EP300: variants seen among roughly 807,000 people sequenced by gnomAD.
The protein encoded by EP300 is histone acetyltransferase p300.
A neutral mutation model predicts 264.0 loss-of-function variants in EP300; 31 were observed. The observed-to-expected ratio is 0.12, with a 90% CI of 0.09 to 0.16. The LOEUF is 0.16. Ranked by LOEUF, EP300 falls within the 10% of genes least tolerant of loss-of-function variation. The pLI, the probability that EP300 is intolerant of heterozygous loss-of-function variation, is 1.00. For missense variants in EP300, 2,766 were observed against 3,052.9 expected, an observed-to-expected ratio of 0.91 and a Z score of 2.21; for synonymous variants, 1,340 against 1,045.4, an observed-to-expected ratio of 1.28 and a Z score of -5.44.
At position 41,158,486 on chromosome 22, in the gene EP300, C is replaced by T. The variant is rs1159368614; in HGVS notation, c.3576C>T (p.Tyr1192=). 4 of 1,614,066 alleles carry T rather than the reference C, an allele frequency of 2.5e-6. No homozygotes were observed. Among genetic ancestry groups the T allele is most frequent in the Admixed American group, 1.7e-5 (1 of 60,014 alleles). The change falls in exon 19 of 31, where the codon TAC becomes TAT. Residue 1192 remains tyrosine, a synonymous_variant. Transcript: ENST00000263253. ...LCTIPRDATY[Y]SYQNRYHFCE... is the part of the protein sequence containing the mutation. ...CAATACCTCGTGATGCCACTTATTA[C>T]AGTTACCAGAACAGGTAAGCTTGGC...
chr22:41,144,332 T>C (rs2058998964), intron 10 of EP300, among the ~76,000 whole-genome samples: 1 of 152,172 alleles, frequency 6.6e-6, no homozygotes, highest in Non-Finnish European at 1.5e-5. Context: ...TTTGTTTGTG[T>C]ATATTTTCTT....
chr22:41,153,154 G>A (rs931211690), intron 16 of EP300, among the ~76,000 whole-genome samples: 6 of 152,134 alleles, frequency 3.9e-5, no homozygotes, highest in African/African-American at 1.4e-4. Flanking sequence ...TACTGCCTGG[G>A]CCAGGAAGCA....
Position 41,117,419 on chromosome 22 carries a change from A to G in EP300, c.327A>G (p.Gln109=). ...GPGQVMASQA[Q]QSSPGLGLIN... is the part of the protein sequence containing the mutation. ...GTCAAGTCATGGCCAGCCAGGCCCA[A>G]CAGAGCAGTCCTGGATTAGGTTTGA... Residue 109 remains glutamine (Q), a synonymous_variant, in exon 2 of 31, where the codon CAA becomes CAG. Coordinates refer to ENST00000263253, the MANE Select transcript of EP300 (RefSeq NM_001429.4). 6.2e-7 allele frequency: 1 copy of G among 1,614,224 alleles called. No individual in the cohort carries two copies. The highest frequency in any genetic ancestry group is 8.5e-7 in the Non-Finnish European group (1 of 1,180,030).
At chr22:41,096,784 A>T (rs1013723379) in intron 1 of EP300, among the ~76,000 whole-genome samples, 2 of 151,844 alleles carry the variant, frequency 1.3e-5, no homozygotes, top group Non-Finnish European at 2.9e-5. Flanking sequence ...TGCCCAGCTA[A>T]GTTTTGTATT....
intron 1 of EP300, among the ~76,000 whole-genome samples, chr22:41,106,950 A>G (rs566785225): frequency 9.9e-5 from 15 of 152,182 alleles, no homozygotes; most frequent in Admixed American, 9.2e-4. Context: ...ACTGTCACCC[A>G]GGCTGGAGTG....
intron 1 of EP300, among the ~76,000 whole-genome samples, chr22:41,109,213 C>G (rs1343070223): frequency 6.8e-6 from 1 of 148,144 alleles, no homozygotes; most frequent in African/African-American, 2.5e-5. Flanking sequence ...GTGATCCCGT[C>G]GCTCCACTCC....
intron 1 of EP300, among the ~76,000 whole-genome samples, chr22:41,114,825 A>C (rs919327547): frequency 1.3e-4 from 3 of 22,520 alleles, no homozygotes; most frequent in African/African-American, 3.5e-4. Flanking sequence ...GATTGGGAAG[A>C]AAAAAAAAAA....
intron 1 of EP300, among the ~76,000 whole-genome samples, chr22:41,097,069 C>T (rs1027546234): frequency 6.6e-6 from 1 of 152,198 alleles, no homozygotes; most frequent in African/African-American, 2.4e-5. Context: ...TAAGAGTTTG[C>T]TTCTGGAGTC....
intron 22 of EP300, 89 bp from the exon 23 acceptor site, chr22:41,166,510 C>T: frequency 9.8e-7 from 1 of 1,016,176 alleles, no homozygotes; most frequent in Non-Finnish European, 1.5e-6. Context: ...AATACTTCTG[C>T]TAGATTGTCT....
chr22:41,152,416 G>C (rs547933694), intron 16 of EP300, 66 bp downstream of exon 16: 1 of 1,558,368 alleles, frequency 6.4e-7, no homozygotes, highest in Non-Finnish European at 8.7e-7. Flanking sequence ...GCAGAATTGC[G>C]GTCATGCCTC....
chr22:41,115,865 A>T (rs2058817995), intron 1 of EP300, among the ~76,000 whole-genome samples: 1 of 152,244 alleles, frequency 6.6e-6, no homozygotes, highest in African/African-American at 2.4e-5. Context: ...TGAGGCAGGT[A>T]CTATATAGGA....
chr22:41,146,927 T>A, intron 11 of EP300, 111 bp downstream of exon 11: 1 of 936,024 alleles, frequency 1.1e-6, no homozygotes, highest in Non-Finnish European at 1.7e-6. Flanking sequence ...CATGATTACC[T>A]GCCCATAGAG....
At position 41,178,695 on chromosome 22, in the gene EP300, C is replaced by A. The variant is rs200478275; in HGVS notation, c.6984C>A (p.Ser2328=). ...CCCAGCCCCCCCACTCCAGTCCTTC[C>A]CCAAGGATGCAGCCTCAGCCTTCTC... ...PQSQPPHSSP[S]PRMQPQPSPH... Residue 2328 remains serine (S), a synonymous_variant, in exon 31 of 31, where the codon TCC becomes TCA. Coordinates refer to ENST00000263253, the MANE Select transcript of EP300 (RefSeq NM_001429.4). 60 of 1,614,160 alleles carry A rather than the reference C, an allele frequency of 3.7e-5. No individual in the cohort carries two copies. The highest frequency in any genetic ancestry group is 1.9e-4 in the South Asian group (17 of 91,092).
intron 10 of EP300, among the ~76,000 whole-genome samples, chr22:41,142,067 C>T (rs2058985811): frequency 6.6e-6 from 1 of 152,154 alleles, no homozygotes; most frequent in South Asian, 2.1e-4. Flanking sequence ...ATAGCCAAGA[C>T]TATGATAAAT....
rs749488807 is a variant in EP300, at chr22:41,149,886, A to G, written c.2505A>G (p.Val835=). The change falls in exon 14 of 31, where the codon GTA becomes GTG. Residue 835 remains valine (V), a synonymous_variant. Transcript: ENST00000263253. ...PALHQNSPSP[V]PSRTPTPHHT... ...TTCATCAGAATTCACCCTCGCCTGT[A>G]CCTAGTCGTACCCCCACCCCTCACC... 5.6e-6 allele frequency: 9 copies of G among 1,613,776 alleles called. No individual in the cohort carries two copies. In the African/African-American group the frequency reaches 8.0e-5, roughly 14 times the overall value.
chr22:41,120,080 T>G (rs1301975321), intron 2 of EP300, among the ~76,000 whole-genome samples: 1 of 152,178 alleles, frequency 6.6e-6, no homozygotes, highest in Non-Finnish European at 1.5e-5. Context: ...TCCCAAAGTG[T>G]TGCCACCGCA....
Position 41,146,049 on chromosome 22 carries a change from A to G in EP300, c.2054-690A>G, listed in dbSNP as rs142281674. Among the ~76,000 whole-genome samples, 86 of 152,224 alleles carry G rather than the reference A, an allele frequency of 5.6e-4. 1 individual carries two copies. In the East Asian group the frequency reaches 0.013, roughly 24 times the overall value. On this transcript the variant is annotated intron_variant, in intron 10 of 30. Coordinates refer to ENST00000263253, the MANE Select transcript of EP300 (RefSeq NM_001429.4). ...ATAAAAACGTTGTGCTACATGATCA[A>G]ATTCGGCCACCATTAGACATGATTC... is the stretch of plus-strand genomic sequence containing the variant.
At chr22:41,097,829 G>A (rs1392409497) in intron 1 of EP300, among the ~76,000 whole-genome samples, 2 of 151,716 alleles carry the variant, frequency 1.3e-5, no homozygotes, top group African/African-American at 2.4e-5. Flanking sequence ...TTTGTAGCTG[G>A]GACTACAGGC....
rs932158547 is a variant in EP300, at chr22:41,149,779, T to G, written c.2398T>G (p.Ser800Ala). Reference protein sequence around the residue: ...PVSQAQMSSSSCPVNSPIMPP... With the variant: ...PVSQAQMSSSACPVNSPIMPP... The stretch of plus-strand genomic sequence containing the variant: ...TTAACAGGCACAAATGTCTAGTTCT[T>G]CCTGCCCGGTGAACTCTCCTATAAT... Residue 800 changes from serine (S) to alanine (A), a missense_variant, in exon 14 of 31, where the codon TCC becomes GCC. Coordinates refer to ENST00000263253, the MANE Select transcript of EP300 (RefSeq NM_001429.4). 3 of 1,614,056 alleles carry G rather than the reference T, an allele frequency of 1.9e-6. No homozygotes were observed. The Admixed American group carries it at 5.0e-5, about 27-fold the overall frequency.
Sources: allele counts gnomAD v4.1 joint callset (sites outside exome capture counted in the v4.1 genomes callset), GRCh38; gene constraint gnomAD v4.1.1; transcripts MANE v1.5; gene names NCBI Gene and HGNC (gene_info 2026-07-23, HGNC 2026-07-21).